DYNC2I1: variants seen among roughly 807,000 people sequenced by gnomAD.
DYNC2I1 encodes the protein cytoplasmic dynein 2 intermediate chain 1.
In DYNC2I1, 89 loss-of-function variants were observed where a neutral mutation model predicts 133.4. That is an observed-to-expected ratio of 0.67 (90% CI 0.56 to 0.80). The LOEUF (loss-of-function observed/expected upper bound fraction) is 0.80. Ranked by LOEUF, DYNC2I1 falls within the 30% of genes least tolerant of loss-of-function variation. The pLI, the probability that DYNC2I1 is intolerant of heterozygous loss-of-function variation, is 0.00. For synonymous variants in DYNC2I1, 504 were observed against 484.3 expected (o/e 1.04, Z -0.54); for missense variants, 1,291 against 1,314.5 (o/e 0.98, Z 0.28).
chr7:158,859,376 C>T (rs1035765754), intron 1 of DYNC2I1, among the ~76,000 whole-genome samples: 4 of 152,068 alleles, frequency 2.6e-5, no homozygotes, highest in Admixed American at 6.6e-5. Context: ...TCTTTCTCTC[C>T]AGAAGATTTA....
chr7:158,893,604 C>G (rs1181381989), intron 8 of DYNC2I1, among the ~76,000 whole-genome samples: 3 of 152,144 alleles, frequency 2.0e-5, no homozygotes, highest in Admixed American at 1.3e-4. Context: ...GGAGGTGTGG[C>G]TGCTGCTGTT....
chr7:158,893,273 C>G lies in DYNC2I1; in HGVS notation c.1059+1940C>G, dbSNP rs1160229673. On this transcript the variant is annotated intron_variant, in intron 8 of 24. Coordinates refer to ENST00000407559, the MANE Select transcript of DYNC2I1 (RefSeq NM_018051.5). ...CCCCTTATTCATGGTAATCACTGAT[C>G]TTGTCTGTGTCTGTATAGCTTTGCC... Among the ~76,000 whole-genome samples, 4 of 152,104 alleles carry G rather than the reference C, an allele frequency of 2.6e-5. No individual in the cohort carries two copies. The South Asian group carries it at 8.3e-4, about 32-fold the overall frequency.
At chr7:158,909,525 T>G (rs1316584053) in intron 11 of DYNC2I1, among the ~76,000 whole-genome samples, 2 of 152,086 alleles carry the variant, frequency 1.3e-5, no homozygotes, top group Non-Finnish European at 2.9e-5. Flanking sequence ...GAGAAAAGCA[T>G]CTTACAAAAG....
At chr7:158,888,239 G>C (rs1038325729) in intron 7 of DYNC2I1, among the ~76,000 whole-genome samples, 3 of 151,824 alleles carry the variant, frequency 2.0e-5, no homozygotes, top group African/African-American at 7.3e-5. Context: ...TGGCCAGTCT[G>C]GTCTGGAACT....
chr7:158,910,959 G>T (rs1035523104), intron 11 of DYNC2I1, among the ~76,000 whole-genome samples: 19 of 146,018 alleles, frequency 1.3e-4, no homozygotes, highest in Non-Finnish European at 2.2e-4. Flanking sequence ...GGCCAAGGGC[G>T]ATTGGCTGTT....
In DYNC2I1 at chr7:158,945,431, C is replaced by T; in HGVS notation, c.3003-150C>T. The T allele has an allele frequency of 1.1e-6, 1 of 882,714 alleles. No homozygotes were observed. Among genetic ancestry groups the T allele is most frequent in the Non-Finnish European group, 1.7e-6 (1 of 593,584 alleles). 54.7% of individuals were successfully genotyped at this position (882,714 alleles called of 1,614,324 possible). On this transcript the variant is annotated intron_variant, in intron 24 of 24. Transcript: ENST00000407559. The surrounding 1 kb of genome is among the most constrained non-coding windows in gnomAD (Gnocchi z 4.1). ...GAAATGCATTTTCACACATTTATTT[C>T]TGGTCTAGCTTTCATTTTGGCTATT...
At chr7:158,935,578 A>G (rs1850670621) in intron 23 of DYNC2I1, among the ~76,000 whole-genome samples, 2 of 152,238 alleles carry the variant, frequency 1.3e-5, no homozygotes, top group South Asian at 4.1e-4. Context: ...TGTCAGTCAC[A>G]TAAACTAAGG....
chr7:158,879,847 A>G lies in DYNC2I1; in HGVS notation c.737A>G (p.Asn246Ser), dbSNP rs1843820610. 6.2e-7 allele frequency: 1 copy of G among 1,613,572 alleles called. No individual in the cohort carries two copies. Among genetic ancestry groups the G allele is most frequent in the African/African-American group, 1.3e-5 (1 of 74,896 alleles). Reference sequence around the variant, plus strand: ...GAGAAATATTCCAAAGAGAAAAGTAATTCATTCTCTGACAAAGGGGAAGAA... The same window carrying G: ...GAGAAATATTCCAAAGAGAAAAGTAGTTCATTCTCTGACAAAGGGGAAGAA... Reference protein sequence around the residue: ...KREKYSKEKSNSFSDKGEERH... With the variant: ...KREKYSKEKSSSFSDKGEERH... Residue 246 changes from asparagine (N) to serine (S), a missense_variant, in exon 5 of 25, where the codon AAT (asparagine) becomes AGT (serine). Transcript: ENST00000407559.
rs115313643 is a variant in DYNC2I1 at position 158,923,294 on chromosome 7, C to T, written c.2095-277C>T. ...GCCGATTGAGCTGAGTGGACAGGCT[C>T]CCGGCAGGCTTTGTGTGACCAGATG... On this transcript the variant is annotated intron_variant, in intron 16 of 24. Transcript: ENST00000407559. Among the ~76,000 whole-genome samples the T allele has an allele frequency of 6.5e-3, 983 of 152,278 alleles. 15 individuals carry two copies. Among genetic ancestry groups the T allele is most frequent in the African/African-American group, 0.022 (916 of 41,552 alleles).
intron 7 of DYNC2I1, among the ~76,000 whole-genome samples, chr7:158,889,182 G>A (rs1370952490): frequency 2.0e-5 from 3 of 150,126 alleles, no homozygotes; most frequent in African/African-American, 7.3e-5. Context: ...CCGGGTTCAC[G>A]CCATTCTCCT....
At chr7:158,900,477 C>T (rs1388695546) in intron 8 of DYNC2I1, among the ~76,000 whole-genome samples, 1 of 152,116 alleles carries the variant, frequency 6.6e-6, no homozygotes, top group Non-Finnish European at 1.5e-5. Context: ...CATCTGGCTT[C>T]TTTCAGGATT....
chr7:158,883,467 C>T (rs530656276), intron 5 of DYNC2I1, among the ~76,000 whole-genome samples: 23 of 151,206 alleles, frequency 1.5e-4, no homozygotes, highest in African/African-American at 4.8e-4. Context: ...GATCCTCCTG[C>T]CTTGGCCTAC....
chr7:158,906,733 C>T (rs991811178), intron 11 of DYNC2I1, among the ~76,000 whole-genome samples: 6 of 152,284 alleles, frequency 3.9e-5, no homozygotes, highest in Admixed American at 3.9e-4. Context: ...GCTGGGATTA[C>T]AGGCATGAGC....
chr7:158,900,731 GTTT>G (rs35689002), intron 8 of DYNC2I1, among the ~76,000 whole-genome samples: 2 of 105,736 alleles, frequency 1.9e-5, no homozygotes, highest in African/African-American at 3.6e-5. Flanking sequence ...ATTTTGTTCT[GTTT>G]TTTTTTTTTT....
chr7:158,887,177 C>G, intron 7 of DYNC2I1, 102 bp downstream of exon 7: 4 of 1,163,126 alleles, frequency 3.4e-6, no homozygotes, highest in Non-Finnish European at 5.1e-6. Context: ...CGAGACAGGG[C>G]TCATTTGCAG....
At chr7:158,924,744 C>T (rs1222027235) in intron 17 of DYNC2I1, among the ~76,000 whole-genome samples, 1 of 152,192 alleles carries the variant, frequency 6.6e-6, no homozygotes, top group African/African-American at 2.4e-5. Context: ...TAAATTATTC[C>T]ATTAAAATAC....
At position 158,945,528 on chromosome 7, in the gene DYNC2I1, C is replaced by T. The variant is rs1851796688; in HGVS notation, c.3003-53C>T. ...AGACATTTTGAAGACTCAGACAGAA[C>T]CGAATGTCCCTTTGTGTGCACTGAC... On this transcript the variant is annotated intron_variant, in intron 24 of 24. Coordinates refer to ENST00000407559, the MANE Select transcript of DYNC2I1 (RefSeq NM_018051.5). This position sits in a 1 kb window ranked among gnomAD's most constrained non-coding sequence, Gnocchi z 4.1. 6.5e-7 allele frequency: 1 copy of T among 1,529,090 alleles called. No individual in the cohort carries two copies. Among genetic ancestry groups the T allele is most frequent in the Non-Finnish European group, 8.8e-7 (1 of 1,133,962 alleles). The allele number at this position is 1,529,090 out of a possible 1,614,324, so 94.7% of individuals were successfully genotyped here.
rs1054046627 is a variant in DYNC2I1 at position 158,856,662 on chromosome 7, A to G, written c.-74A>G. On this transcript the variant is annotated 5_prime_UTR_variant, in exon 1 of 25. Transcript: ENST00000407559. Reference sequence around the variant, plus strand: ...GCGCCTCCCGAAGGGTGCGGGGCACAGGTGGCCTCTTCGGGGTGGACCGCG... The same window carrying G: ...GCGCCTCCCGAAGGGTGCGGGGCACGGGTGGCCTCTTCGGGGTGGACCGCG... The G allele has an allele frequency of 3.3e-6, 4 of 1,225,454 alleles. No individual in the cohort carries two copies. Among genetic ancestry groups the G allele is most frequent in the Non-Finnish European group, 4.1e-6 (4 of 981,570 alleles). The allele number at this position is 1,225,454 out of a possible 1,614,324, so 75.9% of individuals were successfully genotyped here. A position where few individuals can be genotyped will look rare whatever the true frequency, so the allele number is the denominator to read the frequency against.
intron 15 of DYNC2I1, 66 bp downstream of exon 15, chr7:158,918,935 C>G (rs1848749655): frequency 2.0e-6 from 3 of 1,495,628 alleles, no homozygotes; most frequent in Non-Finnish European, 2.7e-6. Flanking sequence ...AAATAATACT[C>G]TGTAGTATAA....
Sources: allele counts gnomAD v4.1 joint callset (sites outside exome capture counted in the v4.1 genomes callset), GRCh38; gene constraint gnomAD v4.1.1; non-coding constraint Gnocchi (gnomAD v3.1); transcripts MANE v1.5; gene names NCBI Gene and HGNC (gene_info 2026-07-23, HGNC 2026-07-21).